Variants in TIAM1 observed in about 807,000 individuals in gnomAD.
The protein encoded by TIAM1 is TIAM Rac1 associated GEF 1.
Under a neutral mutation model 163.5 loss-of-function variants are expected in TIAM1, and 65 were observed. The ratio of observed to expected loss-of-function variants is 0.40; its 90% CI spans 0.33 to 0.49. TIAM1 has a LOEUF of 0.49. Ranked by LOEUF, TIAM1 falls within the 20% of genes least tolerant of loss-of-function variation. The probability of loss-of-function intolerance (pLI) is 0.77; values close to 1 mark genes in which losing one functional copy is unlikely to be tolerated. For missense variants in TIAM1, 1,789 were observed against 2,044.7 expected, an observed-to-expected ratio of 0.87 and a Z score of 2.41; for synonymous variants, 833 against 810.1, an observed-to-expected ratio of 1.03 and a Z score of -0.48.
intron 1 of TIAM1, among the ~76,000 whole-genome samples, chr21:31,547,958 T>G (rs1382095264): frequency 6.6e-6 from 1 of 152,186 alleles, no homozygotes; most frequent in Non-Finnish European, 1.5e-5. Context: ...TATCTAGCTT[T>G]AAAGAACTTT....
chr21:31,246,750 T>C (rs1450988425), intron 5 of TIAM1, among the ~76,000 whole-genome samples: 2 of 152,200 alleles, frequency 1.3e-5, no homozygotes, highest in Non-Finnish European at 2.9e-5. Context: ...TATTTCACAT[T>C]ACCACAGAAT....
intron 12 of TIAM1, among the ~76,000 whole-genome samples, chr21:31,198,041 C>T (rs897721126): frequency 1.3e-5 from 2 of 152,272 alleles, no homozygotes; most frequent in Admixed American, 1.3e-4. Flanking sequence ...GTCAAATGCT[C>T]ATATAGATTT....
At chr21:31,217,488 C>T in intron 9 of TIAM1, 65 bp downstream of exon 9, 6 of 1,564,594 alleles carry the variant, frequency 3.8e-6, no homozygotes, top group South Asian at 1.2e-5. Flanking sequence ...ACACACACAC[C>T]CCAAATTGAG....
At chr21:31,539,662 G>T (rs534869225) in intron 1 of TIAM1, among the ~76,000 whole-genome samples, 132 of 152,286 alleles carry the variant, frequency 8.7e-4, no homozygotes, top group African/African-American at 3.2e-3. Context: ...AAATGAGAAG[G>T]GGGAGGGCAA....
intron 2 of TIAM1, among the ~76,000 whole-genome samples, chr21:31,297,118 G>A (rs75515407): frequency 0.018 from 2,776 of 152,206 alleles, 38 homozygotes; most frequent in Middle Eastern, 0.031. Context: ...TGGCACTAGC[G>A]GTGAGTAAAT....
chr21:31,267,146 C>T (rs144938986), intron 3 of TIAM1, among the ~76,000 whole-genome samples, 163 bp from the exon 4 acceptor site: 1 of 152,230 alleles, frequency 6.6e-6, no homozygotes, highest in South Asian at 2.1e-4. Context: ...GGTAGGTTCT[C>T]GGACTCTTAC....
rs1398650287 is a variant in TIAM1 at position 31,395,413 on chromosome 21, G to A, written c.-368-55991C>T. Among the ~76,000 whole-genome samples, 1 of 152,176 alleles carries A rather than the reference G, an allele frequency of 6.6e-6. No individual in the cohort carries two copies. The highest frequency in any genetic ancestry group is 6.5e-5 in the Admixed American group (1 of 15,268). ...GGGGACACGGTGCCGCTGCAGCCAT[G>A]TGACAATAAGGATGGCTTTCACACC... On this transcript the variant is annotated intron_variant, in intron 2 of 28. Transcript: ENST00000286827. This position sits in a 1 kb window ranked among gnomAD's most constrained non-coding sequence, Gnocchi z 7.5.
intron 13 of TIAM1, among the ~76,000 whole-genome samples, chr21:31,193,537 C>T (rs576327837): frequency 6.6e-6 from 1 of 152,206 alleles, no homozygotes; most frequent in Admixed American, 6.6e-5. Flanking sequence ...TGAAACAGGG[C>T]CCGCTGAAGC....
chr21:31,471,640 C>T (rs758067556), intron 1 of TIAM1, among the ~76,000 whole-genome samples: 1 of 151,916 alleles, frequency 6.6e-6, no homozygotes, highest in African/African-American at 2.4e-5. Context: ...GAGGCTGAGA[C>T]GGGTGGATCA....
chr21:31,123,040 A>G (rs924878101), intron 27 of TIAM1, among the ~76,000 whole-genome samples: 1 of 152,266 alleles, frequency 6.6e-6, no homozygotes, highest in African/African-American at 2.4e-5. Flanking sequence ...TCTTTCAATC[A>G]GCTAAATCCA....
chr21:31,432,542 A>T (rs1331782394), intron 2 of TIAM1, among the ~76,000 whole-genome samples: 6 of 152,198 alleles, frequency 3.9e-5, no homozygotes, highest in Non-Finnish European at 8.8e-5. Context: ...GCCTTCCCAG[A>T]CACACTCTCC....
rs139641864 is a variant in TIAM1, at chr21:31,402,282, G to A, written c.-369+61701C>T. ...ACTAAGACAGTTACCTAGAGGAAAG[G>A]TCAGGTAGTATTGGACTAGAGCAAC... On this transcript the variant is annotated intron_variant, in intron 2 of 28. Transcript: ENST00000286827. Among the ~76,000 whole-genome samples the A allele has an allele frequency of 2.0e-5, 3 of 152,050 alleles. No individual in the cohort carries two copies. In the East Asian group the frequency reaches 5.8e-4, roughly 29 times the overall value.
rs762509135 is a variant in TIAM1, at chr21:31,120,807, C to G, written c.4337G>C (p.Arg1446Thr). ...VSAPSKSLGR[R>T]RRRLARNRFT... ...CCTGTTTCGAGCCAGCCGCCGCCTC[C>G]TCCTCCCAAGAGACTTGCTTGGGGC... The change falls in exon 28 of 28, where the codon AGG (arginine) becomes ACG (threonine). Residue 1446 changes from arginine (R) to threonine (T), a missense_variant. Around this residue, in one of 5 missense-constraint regions of TIAM1, gnomAD observed 415 missense variants for 439.2 expected, o/e 0.94. Transcript: ENST00000541036. The surrounding 1 kb of genome is among the most constrained non-coding windows in gnomAD (Gnocchi z 4.2). 5.0e-6 allele frequency: 8 copies of G among 1,613,312 alleles called. No individual in the cohort carries two copies. The East Asian group carries it at 1.8e-4, about 36-fold the overall frequency.
intron 23 of TIAM1, among the ~76,000 whole-genome samples, chr21:31,132,282 A>T (rs964508803): frequency 2.6e-5 from 4 of 152,170 alleles, no homozygotes; most frequent in African/African-American, 9.7e-5. Flanking sequence ...ACTGCAGGGA[A>T]ATAAGCGCTG....
chr21:31,542,628 T>A (rs9977573), intron 1 of TIAM1, among the ~76,000 whole-genome samples: 29,357 of 151,968 alleles, frequency 0.19, 3,034 homozygotes, highest in Non-Finnish European at 0.21. Context: ...TCCGCAACCA[T>A]TTGCAGGTTA....
At chr21:31,389,689 A>T (rs1212920358) in intron 2 of TIAM1, among the ~76,000 whole-genome samples, 1 of 152,260 alleles carries the variant, frequency 6.6e-6, no homozygotes, top group Non-Finnish European at 1.5e-5. Context: ...TGCGTTGGAT[A>T]CTACCATTTA....
intron 15 of TIAM1, among the ~76,000 whole-genome samples, chr21:31,177,697 C>T (rs1042403764): frequency 8.5e-5 from 13 of 152,226 alleles, no homozygotes; most frequent in African/African-American, 3.1e-4. Flanking sequence ...TGTGATGCTT[C>T]TACATAGAAG....
chr21:31,135,944 A>G lies in TIAM1; in HGVS notation c.3872T>C (p.Leu1291Ser). Residue 1291 changes from leucine (L) to serine (S), a missense_variant, in exon 23 of 28, where the codon TTG becomes TCG. Transcript: ENST00000541036. ...SLGKWKKEPE[L>S]AAFVFKTAVV... ...TTTCTGATACACACCGAATGCTGCC[A>G]ACTCTGGTTCCTTTTTCCACTTGCC... 1 of 1,614,164 alleles carries G rather than the reference A, an allele frequency of 6.2e-7. No individual in the cohort carries two copies. Among genetic ancestry groups the G allele is most frequent in the Non-Finnish European group, 8.5e-7 (1 of 1,180,012 alleles).
chr21:31,297,046 C>T (rs551770023), intron 2 of TIAM1, among the ~76,000 whole-genome samples: 1 of 152,316 alleles, frequency 6.6e-6, no homozygotes, highest in South Asian at 2.1e-4. Flanking sequence ...CTCTTCAGGG[C>T]TGTTCTAGAG....
Sources: gnomAD v4.1 joint callset for allele counts (sites outside exome capture counted in the v4.1 genomes callset) on GRCh38, gnomAD v4.1.1 for gene constraint, gnomAD v4.1.1 regional missense constraint, Gnocchi (gnomAD v3.1) non-coding constraint, MANE v1.5 for transcripts, NCBI Gene and HGNC (gene_info 2026-07-23, HGNC 2026-07-21) for gene names.